ARHGEF4: variants seen among roughly 807,000 people sequenced by gnomAD.
ARHGEF4 encodes Rho guanine nucleotide exchange factor 4, also known as APC-stimulated guanine nucleotide exchange factor 1.
A neutral mutation model predicts 162.0 loss-of-function variants in ARHGEF4; 119 were observed. That is an observed-to-expected ratio of 0.73 (90% confidence interval 0.63 to 0.86). ARHGEF4 has a LOEUF of 0.86. Among genes scored for constraint, ARHGEF4 ranks in the 40% least tolerant of loss-of-function variants. The pLI, the probability that ARHGEF4 is intolerant of heterozygous loss-of-function variation, is 0.00. For missense variants in ARHGEF4, 2,488 were observed against 2,456.0 expected (o/e 1.01, Z -0.28); for synonymous variants, 1,014 against 979.9 (o/e 1.03, Z -0.65).
rs184116398 is a variant in ARHGEF4, at chr2:130,953,089, G to A, written c.3985+6454G>A. Among the ~76,000 whole-genome samples the A allele has an allele frequency of 2.3e-3, 353 of 152,122 alleles. 3 individuals are homozygous for A. Among genetic ancestry groups the A allele is most frequent in the African/African-American group, 8.0e-3 (332 of 41,470 alleles). ...TCATATGGAATCAAAAAAAAAGCCC[G>A]CATTGCCAAGACAATCCTAAGCAAA... On this transcript the variant is annotated intron_variant, in intron 4 of 13. Coordinates refer to ENST00000409359, the MANE Select transcript of ARHGEF4 (RefSeq NM_001367493.1).
chr2:130,850,493 G>C (rs1386462653), intron 1 of ARHGEF4, among the ~76,000 whole-genome samples: 3 of 152,250 alleles, frequency 2.0e-5, no homozygotes, highest in Non-Finnish European at 4.4e-5. Flanking sequence ...TCCACAGCCA[G>C]CATCCAAACG....
intron 4 of ARHGEF4, among the ~76,000 whole-genome samples, chr2:130,949,631 G>A (rs570851970): frequency 2.0e-4 from 31 of 151,904 alleles, no homozygotes; most frequent in African/African-American, 7.0e-4. Context: ...TGGGATTACA[G>A]GCATGAGCCA....
chr2:130,872,535 C>G (rs950329885), intron 1 of ARHGEF4, among the ~76,000 whole-genome samples: 3 of 152,178 alleles, frequency 2.0e-5, no homozygotes, highest in African/African-American at 7.2e-5. Flanking sequence ...TGAGCTGAAT[C>G]ACGCCAATTG....
rs1684271307 is a variant in ARHGEF4, at chr2:130,956,329, G to A, written c.3985+9694G>A. On this transcript the variant is annotated intron_variant, in intron 4 of 13. Transcript: ENST00000409359. ...AAATAGTCAGGAAACAACAGGTGCTGGAGAGGATGTGGAGAAATAGGAACA... is the reference window on the plus strand; with the variant it reads ...AAATAGTCAGGAAACAACAGGTGCTAGAGAGGATGTGGAGAAATAGGAACA... 2.0e-5 allele frequency among the ~76,000 whole-genome samples: 3 copies of A among 152,144 alleles called. No individual in the cohort carries two copies. In the South Asian group the frequency reaches 6.2e-4, roughly 32 times the overall value.
At chr2:130,877,796 T>C (rs72855921) in intron 1 of ARHGEF4, among the ~76,000 whole-genome samples, 3,185 of 152,308 alleles carry the variant, frequency 0.021, 94 homozygotes, top group East Asian at 0.12. Flanking sequence ...CTCCACACCT[T>C]TCACCACTAT....
intron 3 of ARHGEF4, among the ~76,000 whole-genome samples, chr2:130,943,153 A>G (rs556446497): frequency 7.2e-5 from 11 of 152,316 alleles, no homozygotes; most frequent in African/African-American, 2.4e-4. Flanking sequence ...ATGCATGGAC[A>G]TCTAGGATTA....
chr2:130,852,468 G>A (rs920857197), intron 1 of ARHGEF4, among the ~76,000 whole-genome samples: 6 of 151,144 alleles, frequency 4.0e-5, no homozygotes, highest in African/African-American at 1.2e-4. Flanking sequence ...CAGATGAAGC[G>A]ATGCCTTGAT....
rs1445132888 is a variant in ARHGEF4, at chr2:131,011,552, G to T, written c.3986-16393G>T. Reference sequence around the variant, plus strand: ...CCGTGAATATCAGGACCTCAAGCATGTGCTTCCATATCAGCCACTTTGGAC... The same window carrying T: ...CCGTGAATATCAGGACCTCAAGCATTTGCTTCCATATCAGCCACTTTGGAC... On this transcript the variant is annotated intron_variant, in intron 4 of 13. Transcript: ENST00000409359. 3 of 1,367,080 alleles carry T rather than the reference G, an allele frequency of 2.2e-6. No homozygotes were observed. In the African/African-American group the frequency reaches 4.3e-5, roughly 20 times the overall value. 84.7% of individuals were successfully genotyped at this position (1,367,080 alleles called of 1,614,324 possible).
chr2:130,916,433 C>T lies in ARHGEF4; in HGVS notation c.2487C>T (p.Pro829=), dbSNP rs1681502300. ...TEGRRWGSSG[P]EGLPRENPPA... Reference sequence around the variant, plus strand: ...GTCGCCGCTGGGGCTCTTCAGGCCCCGAGGGGCTCCCCAGGGAGAATCCGC... The same window carrying T: ...GTCGCCGCTGGGGCTCTTCAGGCCCTGAGGGGCTCCCCAGGGAGAATCCGC... The change falls in exon 2 of 14, where the codon CCC becomes CCT. Residue 829 remains proline (P), a synonymous_variant. Transcript: ENST00000409359. 2 of 1,538,222 alleles carry T rather than the reference C, an allele frequency of 1.3e-6. No individual in the cohort carries two copies. Among genetic ancestry groups the T allele is most frequent in the South Asian group, 2.4e-5 (2 of 83,574 alleles).
chr2:131,043,451 G>A lies in ARHGEF4; in HGVS notation c.5026-1G>A. 1 of 1,613,890 alleles carries A rather than the reference G, an allele frequency of 6.2e-7. No individual in the cohort carries two copies. The highest frequency in any genetic ancestry group is 8.5e-7 in the Non-Finnish European group (1 of 1,179,978). On this transcript the variant is annotated splice_acceptor_variant, in intron 10 of 13. Transcript: ENST00000409359. LOFTEE classifies it high-confidence loss of function. ...CATGGTTCTCCTTGGGATCTTCCCA[G>A]GGAGAAGATCTCTTGGTCAGGAGCT...
At chr2:130,883,984 C>A (rs1041912232) in intron 1 of ARHGEF4, among the ~76,000 whole-genome samples, 2 of 152,070 alleles carry the variant, frequency 1.3e-5, no homozygotes, top group African/African-American at 4.8e-5. Context: ...TAATGAAGTG[C>A]TCCATTAATA....
chr2:130,983,752 C>G (rs925256935), intron 4 of ARHGEF4, among the ~76,000 whole-genome samples: 1 of 152,102 alleles, frequency 6.6e-6, no homozygotes, highest in Admixed American at 6.5e-5. Flanking sequence ...CGGGTTCATG[C>G]CATTCTCCTG....
In ARHGEF4 at chr2:130,914,443, C is replaced by T. The variant is rs1270414982; in HGVS notation, c.497C>T (p.Thr166Ile). ...QEAGHLWDCATSLERESLLAG... is the reference protein window; with the variant it reads ...QEAGHLWDCAISLERESLLAG... ...GCAGGACACCTCTGGGACTGCGCGA[C>T]CAGCCTGGAGCGAGAGTCTTTGCTG... The change falls in exon 2 of 14, where the codon ACC becomes ATC. Residue 166 changes from threonine (T) to isoleucine (I), a missense_variant. Physicochemically the swap from Thr to Ile is moderately conservative, Grantham distance 89 (BLOSUM62 -1). Coordinates refer to ENST00000409359, the MANE Select transcript of ARHGEF4 (RefSeq NM_001367493.1). The T allele has an allele frequency of 7.0e-7, 1 of 1,435,820 alleles. No homozygotes were observed. Among genetic ancestry groups the T allele is most frequent in the Non-Finnish European group, 9.1e-7 (1 of 1,100,650 alleles). The allele number at this position is 1,435,820 out of a possible 1,614,324, so 88.9% of individuals were successfully genotyped here.
intron 1 of ARHGEF4, among the ~76,000 whole-genome samples, chr2:130,838,277 C>T (rs139299468): frequency 6.6e-6 from 1 of 152,324 alleles, no homozygotes; most frequent in East Asian, 1.9e-4. Context: ...CCCTCCACAC[C>T]TTTCAGGGTT....
At chr2:131,039,632 A>C in intron 6 of ARHGEF4, 1 of 1,127,842 alleles carries the variant, frequency 8.9e-7, no homozygotes, top group East Asian at 7.3e-5. Flanking sequence ...TCCGCACCCT[A>C]AGCCTTTCCC....
chr2:130,997,889 G>A (rs1252631474), intron 4 of ARHGEF4, among the ~76,000 whole-genome samples: 1 of 151,250 alleles, frequency 6.6e-6, no homozygotes, highest in African/African-American at 2.4e-5. Context: ...TGCCCCCCAT[G>A]TGCCCCAAGA....
At chr2:131,045,986 G>A (rs1291438981) in intron 13 of ARHGEF4, 52 bp from the exon 14 acceptor site, 8 of 1,570,854 alleles carry the variant, frequency 5.1e-6, no homozygotes, top group Non-Finnish European at 5.2e-6. Context: ...AACAGCTGGG[G>A]TGGCACTCTG....
intron 4 of ARHGEF4, among the ~76,000 whole-genome samples, chr2:130,965,249 C>T (rs1437518667): frequency 1.3e-5 from 2 of 152,180 alleles, no homozygotes; most frequent in Admixed American, 1.3e-4. Context: ...AGATATAGAG[C>T]AAGGTCGGCT....
intron 4 of ARHGEF4, among the ~76,000 whole-genome samples, chr2:130,971,414 C>T (rs1213485286): frequency 1.3e-5 from 2 of 152,026 alleles, no homozygotes; most frequent in African/African-American, 4.8e-5. Flanking sequence ...TAATCCCAGC[C>T]TTTGGGAGGC....
Sources: gnomAD v4.1 joint callset for allele counts (sites outside exome capture counted in the v4.1 genomes callset) on GRCh38, gnomAD v4.1.1 for gene constraint, MANE v1.5 for transcripts, NCBI Gene and HGNC (gene_info 2026-07-23, HGNC 2026-07-21) for gene names.